The following OPCML variants were observed in gnomAD, a reference collection of about 807,000 sequenced individuals.
OPCML encodes opioid binding protein/cell adhesion molecule like, also known as opioid-binding protein/cell adhesion molecule.
Under a neutral mutation model 37.8 loss-of-function variants are expected in OPCML, and 13 were observed. The observed-to-expected ratio is 0.34, with a 90% CI of 0.22 to 0.55. OPCML has a LOEUF of 0.55. Among genes scored for constraint, OPCML ranks in the 20% least tolerant of loss-of-function variants. OPCML has a pLI of 0.91. For missense variants in OPCML, 341 were observed against 435.6 expected, an observed-to-expected ratio of 0.78 and a Z score of 1.93; for synonymous variants, 176 against 168.8, an observed-to-expected ratio of 1.04 and a Z score of -0.33.
chr11:132,499,659 A>G (rs553698646), intron 4 of OPCML, among the ~76,000 whole-genome samples: 4 of 152,288 alleles, frequency 2.6e-5, no homozygotes, highest in Admixed American at 2.6e-4. Context: ...GATCTTAGAC[A>G]ATTGATTTCC....
intron 1 of OPCML, among the ~76,000 whole-genome samples, chr11:133,195,178 G>A (rs1001795934): frequency 2.0e-5 from 3 of 152,076 alleles, no homozygotes; most frequent in Non-Finnish European, 2.9e-5. Flanking sequence ...ACTCATGGGG[G>A]AAAATGCTAG....
At chr11:132,446,629 TTTTA>T (rs1319643895) in intron 4 of OPCML, among the ~76,000 whole-genome samples, 19 of 152,300 alleles carry the variant, frequency 1.2e-4, no homozygotes, top group Middle Eastern at 3.4e-3. Flanking sequence ...CTTGAAAAGT[TTTTA>T]TTTATTTTAC....
At chr11:133,462,380 A>G (rs192998699) in intron 1 of OPCML, among the ~76,000 whole-genome samples, 563 of 152,238 alleles carry the variant, frequency 3.7e-3, no homozygotes, top group Non-Finnish European at 5.2e-3. Context: ...ATCAAAGACC[A>G]GTATCATCAG....
At chr11:132,952,706 G>A (rs920898971) in intron 1 of OPCML, among the ~76,000 whole-genome samples, 1 of 152,116 alleles carries the variant, frequency 6.6e-6, no homozygotes, top group Admixed American at 6.5e-5. Context: ...TCCAAGCAGG[G>A]CGATCCTCTG....
chr11:132,900,427 A>T (rs1280327625), intron 2 of OPCML, among the ~76,000 whole-genome samples: 1 of 151,232 alleles, frequency 6.6e-6, no homozygotes, highest in Non-Finnish European at 1.5e-5. Flanking sequence ...TCTCATCTCA[A>T]CTCTCGCCTT....
chr11:133,422,992 C>G, intron 1 of OPCML: 2 of 985,370 alleles, frequency 2.0e-6, no homozygotes, highest in Non-Finnish European at 2.4e-6. Flanking sequence ...TACAAAGTGC[C>G]TTACTTCCTT....
At chr11:132,959,691 TCTACAC>T (rs891103065) in intron 1 of OPCML, among the ~76,000 whole-genome samples, 48 of 152,248 alleles carry the variant, frequency 3.2e-4, no homozygotes, top group African/African-American at 1.1e-3. Flanking sequence ...AATATCAGGA[TCTACAC>T]ACAATACAAT....
chr11:132,763,477 G>A (rs1310706867), intron 2 of OPCML, among the ~76,000 whole-genome samples: 2 of 152,162 alleles, frequency 1.3e-5, no homozygotes, highest in Non-Finnish European at 1.5e-5. Flanking sequence ...TTTGAAAAGT[G>A]ACGCTCTTTC....
intron 4 of OPCML, among the ~76,000 whole-genome samples, chr11:132,479,986 T>G (rs1274702167): frequency 6.6e-6 from 1 of 152,132 alleles, no homozygotes; most frequent in Non-Finnish European, 1.5e-5. Flanking sequence ...AGGAACGCAG[T>G]CCCTCACCAG....
chr11:132,784,064 G>A (rs1408307454), intron 2 of OPCML, among the ~76,000 whole-genome samples: 1 of 152,050 alleles, frequency 6.6e-6, no homozygotes, highest in Non-Finnish European at 1.5e-5. Flanking sequence ...AATGAATAAT[G>A]AATAGACTGT....
chr11:132,850,119 G>A (rs989859414), intron 2 of OPCML, among the ~76,000 whole-genome samples: 2 of 152,084 alleles, frequency 1.3e-5, no homozygotes, highest in African/African-American at 2.4e-5. Flanking sequence ...CTTGTGTTTA[G>A]CCCTCCCTCT....
At chr11:133,202,820 G>A (rs1938857598) in intron 1 of OPCML, among the ~76,000 whole-genome samples, 2 of 152,222 alleles carry the variant, frequency 1.3e-5, no homozygotes, top group Admixed American at 6.5e-5. Context: ...CTCTGGGTGT[G>A]CTTCTGTAGA....
intron 4 of OPCML, among the ~76,000 whole-genome samples, chr11:132,467,169 C>A (rs1439250429): frequency 6.6e-6 from 1 of 152,170 alleles, no homozygotes; most frequent in Non-Finnish European, 1.5e-5. Context: ...ACAGACTCGT[C>A]CACTGGCCTG....
intron 2 of OPCML, among the ~76,000 whole-genome samples, chr11:132,914,047 G>A (rs2136552013): frequency 6.6e-6 from 1 of 152,318 alleles, no homozygotes; most frequent in East Asian, 1.9e-4. Flanking sequence ...AAAAGCCAGA[G>A]GCCATATAAT....
chr11:133,083,366 G>T (rs1247106512), intron 1 of OPCML, among the ~76,000 whole-genome samples: 1 of 152,136 alleles, frequency 6.6e-6, no homozygotes, highest in Admixed American at 6.5e-5. Context: ...CACTGCCCCA[G>T]CCTGAGTCCC....
intron 3 of OPCML, among the ~76,000 whole-genome samples, chr11:132,628,840 C>T (rs1048491041): frequency 4.6e-5 from 7 of 152,042 alleles, no homozygotes; most frequent in Non-Finnish European, 5.9e-5. Context: ...GCAGCTTTTC[C>T]GTCTTTGCTT....
At chr11:133,154,482 C>G (rs368821727) in intron 1 of OPCML, among the ~76,000 whole-genome samples, 1 of 151,798 alleles carries the variant, frequency 6.6e-6, no homozygotes, top group East Asian at 1.9e-4. Context: ...TTCTTTTTGT[C>G]CAAAAATTTG....
At chr11:132,924,436 C>T (rs1944921785) in intron 2 of OPCML, among the ~76,000 whole-genome samples, 1 of 152,146 alleles carries the variant, frequency 6.6e-6, no homozygotes, top group African/African-American at 2.4e-5. Context: ...ACCACTGCAC[C>T]AAGCTTGAAG....
chr11:133,317,133 G>C (rs551688735), intron 1 of OPCML, among the ~76,000 whole-genome samples: 2 of 152,176 alleles, frequency 1.3e-5, no homozygotes, highest in Non-Finnish European at 2.9e-5. Context: ...AGAGGCGGAG[G>C]TTGCAGTGAG....
Sources: gnomAD v4.1 joint callset for allele counts (sites outside exome capture counted in the v4.1 genomes callset) on GRCh38, gnomAD v4.1.1 for gene constraint, MANE v1.5 for transcripts, NCBI Gene and HGNC (gene_info 2026-07-23, HGNC 2026-07-21) for gene names.